Variants in PCDH7 observed in about 807,000 individuals in gnomAD.
The protein encoded by PCDH7 is protocadherin 7, also known as protocadherin-7.
A neutral mutation model predicts 58.9 loss-of-function variants in PCDH7; 17 were observed. That is an observed-to-expected ratio of 0.29 (90% CI 0.20 to 0.43). PCDH7 has a LOEUF of 0.43. Ranked by LOEUF, PCDH7 falls within the 20% of genes least tolerant of loss-of-function variation. The pLI, the probability that PCDH7 is intolerant of heterozygous loss-of-function variation, is 1.00. For missense variants in PCDH7, 1,274 were observed against 1,441.0 expected (o/e 0.88, Z 1.88); for synonymous variants, 664 against 616.4 (o/e 1.08, Z -1.14).
intron 3 of PCDH7, among the ~76,000 whole-genome samples, chr4:30,958,483 A>C (rs1748074951): frequency 6.6e-6 from 1 of 152,022 alleles, no homozygotes; most frequent in Non-Finnish European, 1.5e-5. Context: ...ACTTAAGGTG[A>C]TTCAAATAAT....
chr4:31,021,599 A>G (rs1328719904), intron 3 of PCDH7, among the ~76,000 whole-genome samples: 1 of 152,118 alleles, frequency 6.6e-6, no homozygotes, highest in Admixed American at 6.6e-5. Context: ...AAAGACCCAG[A>G]TTCCTTACCT....
At chr4:30,899,917 G>T (rs1739990600) in intron 1 of PCDH7, among the ~76,000 whole-genome samples, 1 of 151,938 alleles carries the variant, frequency 6.6e-6, no homozygotes, top group South Asian at 2.1e-4. Context: ...TGATGATGTT[G>T]ATAATAACAA....
intron 3 of PCDH7, among the ~76,000 whole-genome samples, chr4:31,053,175 C>T (rs545918480): frequency 3.3e-5 from 5 of 152,176 alleles, no homozygotes; most frequent in East Asian, 1.9e-4. Context: ...GCCTCTACCT[C>T]GCCTCACTTC....
intron 3 of PCDH7, among the ~76,000 whole-genome samples, chr4:31,077,723 T>C (rs1433707887): frequency 6.6e-6 from 1 of 152,056 alleles, no homozygotes; most frequent in East Asian, 1.9e-4. Flanking sequence ...TACAATGGAA[T>C]TGATAAGGAA....
At chr4:31,103,144 C>T (rs890284707) in intron 3 of PCDH7, among the ~76,000 whole-genome samples, 1 of 152,096 alleles carries the variant, frequency 6.6e-6, no homozygotes, top group African/African-American at 2.4e-5. Context: ...TGACTAACTG[C>T]CAGATCAGTG....
At chr4:30,906,855 C>T (rs1450790478) in intron 1 of PCDH7, among the ~76,000 whole-genome samples, 1 of 151,614 alleles carries the variant, frequency 6.6e-6, no homozygotes, top group Non-Finnish European at 1.5e-5. Flanking sequence ...AAACCCTGTA[C>T]CTACTAAAAA....
chr4:30,970,102 T>C (rs1051772364), intron 3 of PCDH7, among the ~76,000 whole-genome samples: 1 of 152,192 alleles, frequency 6.6e-6, no homozygotes, highest in Non-Finnish European at 1.5e-5. Context: ...GAACCCCAAG[T>C]ACTGTGCATA....
At chr4:30,801,228 C>T (rs951875372) in intron 1 of PCDH7, among the ~76,000 whole-genome samples, 1 of 152,028 alleles carries the variant, frequency 6.6e-6, no homozygotes, top group Non-Finnish European at 1.5e-5. Flanking sequence ...TAGTTTTGAA[C>T]ATTTTAATAA....
intron 1 of PCDH7, among the ~76,000 whole-genome samples, chr4:30,855,349 G>C (rs1158627965): frequency 2.6e-5 from 4 of 152,152 alleles, no homozygotes; most frequent in Non-Finnish European, 5.9e-5. Context: ...CCTTTTCTAA[G>C]ACATCAGTTG....
chr4:31,078,336 G>A (rs1759176890), intron 3 of PCDH7, among the ~76,000 whole-genome samples: 1 of 152,082 alleles, frequency 6.6e-6, no homozygotes, highest in Admixed American at 6.6e-5. Context: ...AGGCTAGAGT[G>A]CAGTGGTTCA....
intron 3 of PCDH7, among the ~76,000 whole-genome samples, chr4:31,103,897 C>G (rs1032792859): frequency 4.6e-5 from 7 of 152,128 alleles, no homozygotes; most frequent in Admixed American, 2.0e-4. Flanking sequence ...CCTTATTTCC[C>G]CCATTTAATC....
At chr4:30,978,071 T>C (rs1278827952) in intron 3 of PCDH7, among the ~76,000 whole-genome samples, 1 of 152,198 alleles carries the variant, frequency 6.6e-6, no homozygotes, top group East Asian at 1.9e-4. Flanking sequence ...ATTTAAATGT[T>C]GCAGTGAACT....
At chr4:30,965,900 T>G (rs61792867) in intron 3 of PCDH7, among the ~76,000 whole-genome samples, 20 of 152,034 alleles carry the variant, frequency 1.3e-4, no homozygotes, top group African/African-American at 4.8e-4. Flanking sequence ...TGGATAATCT[T>G]CAAGCAGTAT....
chr4:30,829,120 G>A (rs1729468658), intron 1 of PCDH7, among the ~76,000 whole-genome samples: 1 of 151,942 alleles, frequency 6.6e-6, no homozygotes, highest in Non-Finnish European at 1.5e-5. Context: ...AACTGTAGCT[G>A]CCATTCTTTT....
At chr4:30,743,387 GA>G (rs1224494633) in intron 1 of PCDH7, among the ~76,000 whole-genome samples, 13 of 150,714 alleles carry the variant, frequency 8.6e-5, no homozygotes, top group Admixed American at 8.0e-4. Context: ...TTTACAAAAG[GA>G]AAAAAATCAA....
intron 1 of PCDH7, among the ~76,000 whole-genome samples, chr4:30,774,079 A>G (rs940135076): frequency 5.9e-5 from 9 of 151,978 alleles, no homozygotes; most frequent in Non-Finnish European, 1.2e-4. Flanking sequence ...AGTGATTTCA[A>G]TTTCTTTTAT....
At chr4:31,076,036 G>T (rs1393772522) in intron 3 of PCDH7, among the ~76,000 whole-genome samples, 1 of 152,158 alleles carries the variant, frequency 6.6e-6, no homozygotes, top group Non-Finnish European at 1.5e-5. Context: ...TATCCTTGGG[G>T]TTAAGTGACA....
At chr4:31,029,553 C>T (rs911412478) in intron 3 of PCDH7, among the ~76,000 whole-genome samples, 6 of 152,168 alleles carry the variant, frequency 3.9e-5, no homozygotes, top group Non-Finnish European at 5.9e-5. Context: ...GCTATTATAA[C>T]GGTTTAGCAC....
At chr4:31,050,506 G>A (rs1560603556) in intron 3 of PCDH7, among the ~76,000 whole-genome samples, 3 of 152,028 alleles carry the variant, frequency 2.0e-5, no homozygotes, top group African/African-American at 4.8e-5. Flanking sequence ...GAGACTTTTC[G>A]GTTGTAAAAG....
Sources: gnomAD v4.1 joint callset for allele counts (sites outside exome capture counted in the v4.1 genomes callset) on GRCh38, gnomAD v4.1.1 for gene constraint, MANE v1.5 for transcripts, NCBI Gene and HGNC (gene_info 2026-07-23, HGNC 2026-07-21) for gene names.